The following SEMA6B variants were observed in gnomAD, a reference collection of about 807,000 sequenced individuals.
The protein encoded by SEMA6B is semaphorin-6B.
SEMA6B carries 47 observed loss-of-function variants against 78.6 expected under a neutral mutation model. That is an observed-to-expected ratio of 0.60 (90% confidence interval 0.47 to 0.76). SEMA6B has a LOEUF of 0.76. Among genes scored for constraint, SEMA6B ranks in the 30% least tolerant of loss-of-function variants. The pLI is 0.00. For synonymous variants in SEMA6B, 632 were observed against 592.2 expected (o/e 1.07, Z -0.98); for missense variants, 1,213 against 1,269.9 (o/e 0.96, Z 0.68).
At chr19:4,551,054 C>G (rs926360301) in intron 10 of SEMA6B, 124 bp from the exon 11 acceptor site, 7 of 1,042,756 alleles carry the variant, frequency 6.7e-6, no homozygotes, top group Non-Finnish European at 8.5e-6. Flanking sequence ...CAGAGATGTC[C>G]CCTGTCCCTC....
At position 4,543,043 on chromosome 19, in the gene SEMA6B, C is replaced by T. The variant is rs1977060083; in HGVS notation, c.*558G>A. On this transcript the variant is annotated 3_prime_UTR_variant, in exon 17 of 17. Transcript: ENST00000586582. ...GGACACACACCCTGCACGCGTGGCC[C>T]ACTTGACACACACGCCCACAGCAGC... The T allele has an allele frequency of 3.0e-6, 2 of 666,244 alleles. No homozygotes were observed. Among genetic ancestry groups the T allele is most frequent in the South Asian group, 3.1e-5 (2 of 63,738 alleles). 41.3% of individuals were successfully genotyped at this position (666,244 alleles called of 1,614,324 possible).
At position 4,552,199 on chromosome 19, in the gene SEMA6B, C is replaced by T. The variant is rs1977350548; in HGVS notation, c.989+223G>A. Among the ~76,000 whole-genome samples, 1 of 152,192 alleles carries T rather than the reference C, an allele frequency of 6.6e-6. No homozygotes were observed. Reference sequence around the variant, plus strand: ...CCAGGAAGCCCTCCCTGCTCCTCTCCCCAAAGGCAGAGGATGAGGATATCT... The same window carrying T: ...CCAGGAAGCCCTCCCTGCTCCTCTCTCCAAAGGCAGAGGATGAGGATATCT... On this transcript the variant is annotated intron_variant, in intron 10 of 16. Transcript: ENST00000586582. This position sits in a 1 kb window ranked among gnomAD's most constrained non-coding sequence, Gnocchi z 7.4.
Position 4,550,245 on chromosome 19 carries a change from C to T in SEMA6B, c.1149G>A (p.Met383Ile), listed in dbSNP as rs755696579. The T allele has an allele frequency of 1.9e-6, 3 of 1,613,636 alleles. No individual in the cohort carries two copies. Among genetic ancestry groups the T allele is most frequent in the Non-Finnish European group, 2.5e-6 (3 of 1,179,980 alleles). ...GCAAGGCGCTGGAGGCATTGTACTG[C>T]ATCCCGGGGGCTGCGCAGCACCCGG... The part of the protein sequence containing the change: ...PRPGCCAAPG[M>I]QYNASSALPD... Residue 383 changes from methionine to isoleucine, a missense_variant, in exon 12 of 17, where the codon ATG becomes ATA. Coordinates refer to ENST00000586582, the MANE Select transcript of SEMA6B (RefSeq NM_032108.4). The surrounding 1 kb of genome is among the most constrained non-coding windows in gnomAD (Gnocchi z 6.6).
chr19:4,555,626 C>T lies in SEMA6B; in HGVS notation c.472-62G>A, dbSNP rs1977448171. 8.3e-6 allele frequency: 11 copies of T among 1,332,070 alleles called. No homozygotes were observed. The South Asian group carries it at 1.3e-4, about 16-fold the overall frequency. 82.5% of individuals were successfully genotyped at this position (1,332,070 alleles called of 1,614,324 possible). ...GACCCCACCTAGCAGCCCCTGGCTC[C>T]CTCAGCCCCCCACTCCAGGGGGAAT... On this transcript the variant is annotated intron_variant, in intron 6 of 16. Coordinates refer to ENST00000586582, the MANE Select transcript of SEMA6B (RefSeq NM_032108.4). The surrounding 1 kb of genome is among the most constrained non-coding windows in gnomAD (Gnocchi z 6.1).
chr19:4,547,160 C>G (rs1367475643), intron 14 of SEMA6B, among the ~76,000 whole-genome samples: 1 of 151,446 alleles, frequency 6.6e-6, no homozygotes. Context: ...GAGACAGGCT[C>G]TCACTATGCT....
chr19:4,554,115 G>A (rs1487792655), intron 9 of SEMA6B, among the ~76,000 whole-genome samples: 2 of 149,870 alleles, frequency 1.3e-5, no homozygotes, highest in Admixed American at 6.6e-5. Context: ...ATAAGTGATT[G>A]TGGCTGGGTG....
chr19:4,543,587 G>T lies in SEMA6B; in HGVS notation c.*14C>A. ...CCGTGGCTGGCACTGCCAAGGCATC[G>T]GGGGGCCCCCGGCCTAGGGCACGGG... On this transcript the variant is annotated 3_prime_UTR_variant, in exon 17 of 17. Coordinates refer to ENST00000586582, the MANE Select transcript of SEMA6B (RefSeq NM_032108.4). 1 of 1,206,102 alleles carries T rather than the reference G, an allele frequency of 8.3e-7. No homozygotes were observed. The highest frequency in any genetic ancestry group is 3.1e-5 in the East Asian group (1 of 32,194). The allele number at this position is 1,206,102 out of a possible 1,614,324, so 74.7% of individuals were successfully genotyped here.
chr19:4,554,900 T>C, intron 8 of SEMA6B, 76 bp downstream of exon 8: 1 of 1,534,086 alleles, frequency 6.5e-7, no homozygotes. Context: ...GGGACTCTTA[T>C]TCTGGTGGGG....
chr19:4,550,063 T>C lies in SEMA6B; in HGVS notation c.1271+60A>G, dbSNP rs1384978981. ...ATCTGTGTTGAGCATCTGGATCCTC[T>C]CACCCTCCATCTACCCCATCCTGTC... On this transcript the variant is annotated intron_variant, in intron 12 of 16. Transcript: ENST00000586582. The surrounding 1 kb of genome is among the most constrained non-coding windows in gnomAD (Gnocchi z 6.6). The C allele has an allele frequency of 2.6e-5, 40 of 1,564,066 alleles. No individual in the cohort carries two copies. Among genetic ancestry groups the C allele is most frequent in the Non-Finnish European group, 3.3e-5 (38 of 1,142,110 alleles).
At chr19:4,548,780 G>C (rs1977241003) in intron 12 of SEMA6B, among the ~76,000 whole-genome samples, 1 of 152,152 alleles carries the variant, frequency 6.6e-6, no homozygotes, top group South Asian at 2.1e-4. Context: ...CAATTCTCTT[G>C]CCTCAGCCTC....
At chr19:4,551,698 G>A (rs1463106047) in intron 10 of SEMA6B, among the ~76,000 whole-genome samples, 3 of 151,606 alleles carry the variant, frequency 2.0e-5, no homozygotes, top group South Asian at 4.2e-4. Context: ...GTGTGGTGGC[G>A]CACGCCTGTA....
Position 4,548,365 on chromosome 19 carries a change from G to T in SEMA6B, c.1352C>A (p.Ala451Glu). The T allele has an allele frequency of 2.5e-6, 4 of 1,613,840 alleles. No homozygotes were observed. The highest frequency in any genetic ancestry group is 3.4e-6 in the Non-Finnish European group (4 of 1,180,022). Residue 451 changes from alanine to glutamate, a missense_variant, in exon 13 of 17, where the codon GCG becomes GAG. By Grantham distance (107) the Ala-to-Glu change is moderately radical. Coordinates refer to ENST00000586582, the MANE Select transcript of SEMA6B (RefSeq NM_032108.4). ...GACGAGGAACTTGAGGACCGTCCCC[G>T]CCTCAGAACCCAGGAAGACAACGGT... ...NQTVVFLGSEAGTVLKFLVRP... is the reference protein window; with the variant it reads ...NQTVVFLGSEEGTVLKFLVRP...
chr19:4,553,515 GATAA>G (rs1977390269), intron 9 of SEMA6B, among the ~76,000 whole-genome samples: 1 of 150,924 alleles, frequency 6.6e-6, no homozygotes, highest in Non-Finnish European at 1.5e-5. Flanking sequence ...TGGATGGGCA[GATAA>G]ATGGATGGAT....
chr19:4,543,784 G>C lies in SEMA6B; in HGVS notation c.2484C>G (p.Ser828Arg). Residue 828 changes from serine to arginine, a missense_variant, in exon 17 of 17, where the codon AGC (serine) becomes AGG (arginine). Ser to Arg is a moderately radical substitution (Grantham distance 110). Transcript: ENST00000586582. ...PRPWSPPPTG[S>R]LRRPLGPHAP... ...CGTGGGGGCCCAGTGGCCTCCTCAGGCTGCCCGTCGGGGGCGGGCTCCAGG... is the reference window on the plus strand; with the variant it reads ...CGTGGGGGCCCAGTGGCCTCCTCAGCCTGCCCGTCGGGGGCGGGCTCCAGG... The C allele has an allele frequency of 8.2e-7, 1 of 1,221,374 alleles. No homozygotes were observed. Among genetic ancestry groups the C allele is most frequent in the East Asian group, 3.2e-5 (1 of 30,844 alleles). The allele number at this position is 1,221,374 out of a possible 1,614,324, so 75.7% of individuals were successfully genotyped here. A position where few individuals can be genotyped will look rare whatever the true frequency, so the allele number is the denominator to read the frequency against.
rs760260417 is a variant in SEMA6B, at chr19:4,548,155, AC to A, written c.1472del (p.Gly491ValfsTer9). On this transcript the variant is annotated frameshift_variant, in exon 14 of 17. Coordinates refer to ENST00000586582, the MANE Select transcript of SEMA6B (RefSeq NM_032108.4). LOFTEE classifies it high-confidence loss of function. ...YRPDRCGRPG[G>X]GETGQRLLSL... ...TCAGCAGCCGCTGCCCTGTCTCGCCACCGCCGGGCCGTCCACACCTGGGGAC... is the reference window on the plus strand; with the variant it reads ...TCAGCAGCCGCTGCCCTGTCTCGCCACGCCGGGCCGTCCACACCTGGGGAC... The A allele has an allele frequency of 6.3e-7, 1 of 1,591,396 alleles. No homozygotes were observed. The highest frequency in any genetic ancestry group is 8.6e-7 in the Non-Finnish European group (1 of 1,167,964).
chr19:4,550,187 G>T lies in SEMA6B; in HGVS notation c.1207C>A (p.Pro403Thr). Reference sequence around the variant, plus strand: ...GAGGGCACCGCCTCGTCCATCAGAGGGTGGGTCTTGACAAAGTTGAGGATG... The same window carrying T: ...GAGGGCACCGCCTCGTCCATCAGAGTGTGGGTCTTGACAAAGTTGAGGATG... ...DDILNFVKTH[P>T]LMDEAVPSLG... Residue 403 changes from proline (P) to threonine (T), a missense_variant, in exon 12 of 17, where the codon CCT becomes ACT. By Grantham distance (38) the Pro-to-Thr change is conservative. Transcript: ENST00000586582. This position sits in a 1 kb window ranked among gnomAD's most constrained non-coding sequence, Gnocchi z 6.6. 6.2e-7 allele frequency: 1 copy of T among 1,613,810 alleles called. No homozygotes were observed. Among genetic ancestry groups the T allele is most frequent in the Non-Finnish European group, 8.5e-7 (1 of 1,180,010 alleles).
In SEMA6B at chr19:4,542,982, G is replaced by T. The variant is rs1166632248; in HGVS notation, c.*619C>A. On this transcript the variant is annotated 3_prime_UTR_variant, in exon 17 of 17. Transcript: ENST00000586582. ...AAGCCCCAGCGTCGGCTCAGCCAAC[G>T]CCCAGGCCGCTGGGGCCACCACGAT... 1.4e-6 allele frequency: 1 copy of T among 698,778 alleles called. No individual in the cohort carries two copies. Among genetic ancestry groups the T allele is most frequent in the East Asian group, 2.7e-5 (1 of 37,174 alleles). 43.3% of individuals were successfully genotyped at this position (698,778 alleles called of 1,614,324 possible).
At position 4,548,017 on chromosome 19, in the gene SEMA6B, G is replaced by A. The variant is rs776457077; in HGVS notation, c.1601+10C>T. 5 of 1,537,054 alleles carry A rather than the reference G, an allele frequency of 3.3e-6. No individual in the cohort carries two copies. The South Asian group carries it at 3.6e-5, about 11-fold the overall frequency. On this transcript the variant is annotated intron_variant, in intron 14 of 16. Transcript: ENST00000586582. ...TTCCCGCCCACGGCTGGCCTGGGGT[G>A]GACACTCACTTCATACACCCCGAGT...
rs752738677 is a variant in SEMA6B at position 4,544,534 on chromosome 19, C to G, written c.1739-5G>C. The G allele has an allele frequency of 1.3e-6, 2 of 1,502,752 alleles. No individual in the cohort carries two copies. The highest frequency in any genetic ancestry group is 2.5e-5 in the South Asian group (2 of 78,744). 93.1% of individuals were successfully genotyped at this position (1,502,752 alleles called of 1,614,324 possible). A position where few individuals can be genotyped will look rare whatever the true frequency, so the allele number is the denominator to read the frequency against. On this transcript the variant is annotated splice_polypyrimidine_tract_variant and splice_region_variant and intron_variant, in intron 16 of 16. Transcript: ENST00000586582. This position sits in a 1 kb window ranked among gnomAD's most constrained non-coding sequence, Gnocchi z 5.1. ...AGAGGCTGGCCCGCAGGAGTCCTGG[C>G]CGGGGAGCACAGGGGGGTTAGTGGG...
Sources: gnomAD v4.1 joint callset for allele counts (sites outside exome capture counted in the v4.1 genomes callset) on GRCh38, gnomAD v4.1.1 for gene constraint, Gnocchi (gnomAD v3.1) non-coding constraint, MANE v1.5 for transcripts, NCBI Gene and HGNC (gene_info 2026-07-23, HGNC 2026-07-21) for gene names.